Variants in TAOK1 observed in about 807,000 individuals in gnomAD.
TAOK1 encodes the protein serine/threonine-protein kinase TAO1.
A neutral mutation model predicts 138.3 loss-of-function variants in TAOK1; 21 were observed. The ratio of observed to expected loss-of-function variants is 0.15; its 90% CI spans 0.11 to 0.22. TAOK1 has a LOEUF of 0.22. Ranked by LOEUF, TAOK1 falls within the 10% of genes least tolerant of loss-of-function variation. The probability of loss-of-function intolerance (pLI) is 1.00; values close to 1 mark genes in which losing one functional copy is unlikely to be tolerated. For synonymous variants in TAOK1, 361 were observed against 398.4 expected (o/e 0.91, Z 1.12); for missense variants, 651 against 1,227.7 (o/e 0.53, Z 7.02).
chr17:29,488,167 G>A (rs1371702198), intron 8 of TAOK1, among the ~76,000 whole-genome samples: 1 of 152,172 alleles, frequency 6.6e-6, no homozygotes, highest in Non-Finnish European at 1.5e-5. Flanking sequence ...ATAAAACGGT[G>A]TAGTTTTTGC....
At chr17:29,541,698 C>T (rs1310174029) in intron 19 of TAOK1, among the ~76,000 whole-genome samples, 1 of 150,890 alleles carries the variant, frequency 6.6e-6, no homozygotes, top group Non-Finnish European at 1.5e-5. Context: ...ATCGCTTGAA[C>T]CCAGGATGCG....
intron 8 of TAOK1, among the ~76,000 whole-genome samples, chr17:29,485,625 T>C (rs749335941): frequency 1.3e-5 from 2 of 151,764 alleles, no homozygotes; most frequent in Non-Finnish European, 2.9e-5. Flanking sequence ...AGTGATAGAG[T>C]GAGGCCCTTT....
At chr17:29,403,896 A>G (rs1904920657) in intron 1 of TAOK1, 1 of 152,102 alleles carries the variant, frequency 6.6e-6, no homozygotes, top group African/African-American at 2.4e-5. Context: ...ACATGTCGTT[A>G]TTAGTGATAA....
chr17:29,431,634 G>A (rs1235842643), intron 1 of TAOK1, among the ~76,000 whole-genome samples: 2 of 151,788 alleles, frequency 1.3e-5, no homozygotes, highest in Non-Finnish European at 2.9e-5. Flanking sequence ...ATGTAAATAA[G>A]TATAAGTTAA....
At chr17:29,503,286 C>T (rs1268971917) in intron 13 of TAOK1, among the ~76,000 whole-genome samples, 1 of 150,696 alleles carries the variant, frequency 6.6e-6, no homozygotes, top group African/African-American at 2.4e-5. Context: ...GTCCCAGCTA[C>T]TTGAGAGGCT....
Position 29,517,807 on chromosome 17 carries a change from C to T in TAOK1, c.1908+151C>T, listed in dbSNP as rs1598518336. Reference sequence around the variant, plus strand: ...CAGATATTCACATGGATTGTTTGCTCCCTGTATATCTTTACTCAGATGTCA... The same window carrying T: ...CAGATATTCACATGGATTGTTTGCTTCCTGTATATCTTTACTCAGATGTCA... On this transcript the variant is annotated intron_variant, in intron 16 of 19. Transcript: ENST00000261716. 13 of 789,096 alleles carry T rather than the reference C, an allele frequency of 1.6e-5. No individual in the cohort carries two copies. The South Asian group carries it at 2.6e-4, about 16-fold the overall frequency. The allele number at this position is 789,096 out of a possible 1,614,324, so 48.9% of individuals were successfully genotyped here.
intron 1 of TAOK1, among the ~76,000 whole-genome samples, chr17:29,424,048 CAAAAA>C (rs34530466): frequency 8.9e-5 from 10 of 112,858 alleles, no homozygotes; most frequent in Non-Finnish European, 1.1e-4. Context: ...GACCCTGTCT[CAAAAA>C]AAAAAAAAAA....
rs1367452927 is a variant in TAOK1, at chr17:29,457,023, G to A, written c.132+5343G>A. Among the ~76,000 whole-genome samples the A allele has an allele frequency of 3.6e-5, 5 of 138,076 alleles. No individual in the cohort carries two copies. In the South Asian group the frequency reaches 9.3e-4, roughly 26 times the overall value. The allele number at this position is 138,076 out of a possible 152,430, so 90.6% of individuals were successfully genotyped here. A position where few individuals can be genotyped will look rare whatever the true frequency, so the allele number is the denominator to read the frequency against. The stretch of plus-strand genomic sequence containing the variant: ...GCTGGGATTACAGGCGTGAGCCACA[G>A]CATCTGGCCATATAGTTCTATTTCT... On this transcript the variant is annotated intron_variant, in intron 2 of 19. Transcript: ENST00000261716.
At chr17:29,533,286 G>C (rs1417135418) in intron 18 of TAOK1, among the ~76,000 whole-genome samples, 1 of 145,170 alleles carries the variant, frequency 6.9e-6, no homozygotes, top group Non-Finnish European at 1.5e-5. Flanking sequence ...ATGGGATGGC[G>C]GCCGGGAAGA....
intron 1 of TAOK1, among the ~76,000 whole-genome samples, chr17:29,396,662 T>G (rs1339796910): frequency 6.6e-6 from 1 of 152,186 alleles, no homozygotes; most frequent in Non-Finnish European, 1.5e-5. Context: ...GGAACAAAAC[T>G]TTCTGGTTTG....
chr17:29,418,964 C>G (rs1437085181), intron 1 of TAOK1, among the ~76,000 whole-genome samples: 2 of 136,806 alleles, frequency 1.5e-5, no homozygotes, highest in African/African-American at 2.8e-5. Flanking sequence ...GTTTTAGAAT[C>G]AGTTTGTCAG....
chr17:29,456,076 G>A (rs1391184443), intron 2 of TAOK1, among the ~76,000 whole-genome samples: 2 of 150,252 alleles, frequency 1.3e-5, no homozygotes, highest in African/African-American at 5.0e-5. Flanking sequence ...GGCCGGGCGC[G>A]GTGGCTCATG....
intron 3 of TAOK1, among the ~76,000 whole-genome samples, chr17:29,467,670 A>G (rs1055691314): frequency 6.6e-6 from 1 of 152,074 alleles, no homozygotes; most frequent in African/African-American, 2.4e-5. Flanking sequence ...AAGTATACAC[A>G]TCTTAAGTGT....
At chr17:29,440,321 A>G (rs1000743519) in intron 1 of TAOK1, among the ~76,000 whole-genome samples, 1 of 152,180 alleles carries the variant, frequency 6.6e-6, no homozygotes, top group East Asian at 1.9e-4. Context: ...TACTCTTTCA[A>G]ACTTGAAGGA....
chr17:29,543,023 C>CT lies in TAOK1; in HGVS notation c.*3dup, dbSNP rs771986402. The CT allele has an allele frequency of 1.7e-5, 27 of 1,562,760 alleles. No individual in the cohort carries two copies. The East Asian group carries it at 6.2e-4, about 36-fold the overall frequency. ...TGGGTCACACATGTCTTATACATAACTTAATAATTGAGAGTGGCAATTCCG... is the reference window on the plus strand; with the variant it reads ...TGGGTCACACATGTCTTATACATAACTTTAATAATTGAGAGTGGCAATTCCG... On this transcript the variant is annotated 3_prime_UTR_variant, in exon 20 of 20. Coordinates refer to ENST00000261716, the MANE Select transcript of TAOK1 (RefSeq NM_020791.4).
rs750061785 is a variant in TAOK1 at position 29,549,141 on chromosome 17, T to C, written c.*6119T>C. ...CTGAATTTTCAAATGAAATGAACTA[T>C]GCTTATTGCTGGCACATTGATCCCA... On this transcript the variant is annotated 3_prime_UTR_variant, in exon 20 of 20. Coordinates refer to ENST00000261716, the MANE Select transcript of TAOK1 (RefSeq NM_020791.4). 5.3e-5 allele frequency: 8 copies of C among 152,226 alleles called. No individual in the cohort carries two copies. Among genetic ancestry groups the C allele is most frequent in the Non-Finnish European group, 1.0e-4 (7 of 68,020 alleles). The allele number at this position is 152,226 out of a possible 1,614,324, so 9.4% of individuals were successfully genotyped here.
chr17:29,534,434 T>C (rs1441571010), intron 19 of TAOK1, 134 bp downstream of exon 19: 2 of 805,894 alleles, frequency 2.5e-6, no homozygotes, highest in African/African-American at 1.8e-5. Context: ...ATTCTAGTTA[T>C]GGCAGCAGAT....
At chr17:29,502,000 A>G (rs1230216403) in intron 12 of TAOK1, among the ~76,000 whole-genome samples, 1 of 152,132 alleles carries the variant, frequency 6.6e-6, no homozygotes, top group Non-Finnish European at 1.5e-5. Context: ...AGTGTTTACC[A>G]CTGCACTCCA....
chr17:29,465,371 C>T (rs556569611), intron 2 of TAOK1, among the ~76,000 whole-genome samples: 10 of 151,802 alleles, frequency 6.6e-5, no homozygotes, highest in South Asian at 4.2e-4. Context: ...AGGCTGGTCT[C>T]GGACTCCTGA....
Sources: allele counts gnomAD v4.1 joint callset (sites outside exome capture counted in the v4.1 genomes callset), GRCh38; gene constraint gnomAD v4.1.1; transcripts MANE v1.5; gene names NCBI Gene and HGNC (gene_info 2026-07-23, HGNC 2026-07-21).